Variants in PRKG1 observed in about 807,000 individuals in gnomAD.
PRKG1 encodes cGMP-dependent protein kinase 1.
In PRKG1, 35 loss-of-function variants were observed where a neutral mutation model predicts 88.1. The ratio of observed to expected loss-of-function variants is 0.40; its 90% confidence interval spans 0.30 to 0.53. The LOEUF is 0.53. PRKG1 is among the 20% of genes least tolerant of loss of function. The pLI is 0.59. For synonymous variants in PRKG1, 303 were observed against 292.5 expected (o/e 1.04, Z -0.37); for missense variants, 540 against 839.8 (o/e 0.64, Z 4.41).
intron 3 of PRKG1, among the ~76,000 whole-genome samples, chr10:51,727,300 A>T (rs58652606): frequency 0.28 from 40,215 of 143,368 alleles, 6,150 homozygotes; most frequent in Middle Eastern, 0.38. Context: ...ATATATATAT[A>T]TTTTTTTTAC....
rs1564509111 is a variant in PRKG1, at chr10:52,188,279, CATATATATGTGTATATAT to C, written c.1076+26321_1076+26338del. Among the ~76,000 whole-genome samples the C allele has an allele frequency of 1.8e-3, 198 of 107,140 alleles. 2 individuals carry two copies. The highest frequency in any genetic ancestry group is 7.1e-3 in the African/African-American group (185 of 26,030). 70.3% of individuals were successfully genotyped at this position (107,140 alleles called of 152,430 possible). On this transcript the variant is annotated intron_variant, in intron 9 of 17. Coordinates refer to ENST00000373980, the MANE Select transcript of PRKG1 (RefSeq NM_006258.4). ...ATATATATACATATGTATATATATA[CATATATATGTGTATATAT>C]ATATGTATATATATACATATGTATA...
At chr10:51,729,510 C>A (rs1246814214) in intron 3 of PRKG1, among the ~76,000 whole-genome samples, 1 of 151,662 alleles carries the variant, frequency 6.6e-6, no homozygotes, top group Non-Finnish European at 1.5e-5. Context: ...AGTTCGAGAC[C>A]AGCCTGACCA....
chr10:51,584,292 G>T lies in PRKG1; in HGVS notation c.592+116456G>T, dbSNP rs915386440. On this transcript the variant is annotated intron_variant, in intron 3 of 17. Coordinates refer to ENST00000373980, the MANE Select transcript of PRKG1 (RefSeq NM_006258.4). Reference sequence around the variant, plus strand: ...AGTGATTTTTAAATGCCTACCTTATGAGCCACTTTGTGCCAGGGCCCTGTA... The same window carrying T: ...AGTGATTTTTAAATGCCTACCTTATTAGCCACTTTGTGCCAGGGCCCTGTA... Among the ~76,000 whole-genome samples the T allele has an allele frequency of 6.7e-4, 102 of 151,946 alleles. 2 individuals carry two copies. The highest frequency in any genetic ancestry group is 3.4e-4 in the Non-Finnish European group (23 of 67,956).
chr10:51,686,098 A>C (rs1270877083), intron 3 of PRKG1, among the ~76,000 whole-genome samples: 1 of 152,164 alleles, frequency 6.6e-6, no homozygotes, highest in East Asian at 1.9e-4. Flanking sequence ...TACCCGGAAT[A>C]ATCCAGCTTG....
intron 2 of PRKG1, among the ~76,000 whole-genome samples, chr10:51,446,725 C>T (rs1839283587): frequency 6.6e-6 from 1 of 152,060 alleles, no homozygotes; most frequent in Non-Finnish European, 1.5e-5. Context: ...ATAGTTTTCT[C>T]ATCACACACT....
At chr10:52,227,508 T>C (rs1384885041) in intron 9 of PRKG1, among the ~76,000 whole-genome samples, 3 of 152,106 alleles carry the variant, frequency 2.0e-5, no homozygotes, top group Non-Finnish European at 4.4e-5. Context: ...ATAAGTAATC[T>C]AGAGATAATT....
At chr10:51,265,766 T>C (rs1358705066) in intron 2 of PRKG1, among the ~76,000 whole-genome samples, 1 of 152,186 alleles carries the variant, frequency 6.6e-6, no homozygotes, top group African/African-American at 2.4e-5. Context: ...GAGAAAACCA[T>C]GGAAGGGACA....
chr10:51,646,599 C>T (rs1839920152), intron 3 of PRKG1, among the ~76,000 whole-genome samples: 1 of 151,864 alleles, frequency 6.6e-6, no homozygotes, highest in Non-Finnish European at 1.5e-5. Context: ...ACATTAAAAA[C>T]AATTAAGAAG....
chr10:51,720,237 T>G (rs7908240), intron 3 of PRKG1, among the ~76,000 whole-genome samples: 87,722 of 151,870 alleles, frequency 0.58, 25,936 homozygotes, highest in Middle Eastern at 0.66. Flanking sequence ...CCATAATTCA[T>G]TCCCTGATTA....
At chr10:51,995,539 T>A (rs1844418300) in intron 5 of PRKG1, among the ~76,000 whole-genome samples, 1 of 152,150 alleles carries the variant, frequency 6.6e-6, no homozygotes, top group African/African-American at 2.4e-5. Context: ...ATTATAATAA[T>A]GATTATGTTA....
intron 3 of PRKG1, among the ~76,000 whole-genome samples, chr10:51,491,811 A>G (rs1840714109): frequency 6.6e-6 from 1 of 152,148 alleles, no homozygotes; most frequent in Non-Finnish European, 1.5e-5. Flanking sequence ...TAGAATGGAC[A>G]GTGGCTGAAT....
At chr10:51,105,181 T>C (rs1383412437) in intron 1 of PRKG1, among the ~76,000 whole-genome samples, 1 of 152,226 alleles carries the variant, frequency 6.6e-6, no homozygotes, top group Non-Finnish European at 1.5e-5. Context: ...CAGTCTTTCC[T>C]TTTGAAAAAT....
At chr10:51,437,830 GA>G (rs1838980395) in intron 2 of PRKG1, among the ~76,000 whole-genome samples, 1 of 149,836 alleles carries the variant, frequency 6.7e-6, no homozygotes, top group Non-Finnish European at 1.5e-5. Context: ...AACTGGGAGA[GA>G]GGGGTGCTAA....
chr10:51,122,033 C>G (rs1486984575), intron 1 of PRKG1, among the ~76,000 whole-genome samples: 2 of 152,154 alleles, frequency 1.3e-5, no homozygotes, highest in Non-Finnish European at 2.9e-5. Context: ...GTCGTACCTT[C>G]TGCTGTACCC....
chr10:52,104,009 A>T (rs80207314), intron 7 of PRKG1, among the ~76,000 whole-genome samples: 1 of 53,936 alleles, frequency 1.9e-5, no homozygotes, highest in South Asian at 7.6e-4. Context: ...TGTATATATA[A>T]TATATATATA....
chr10:51,738,600 G>A (rs929207216), intron 3 of PRKG1, among the ~76,000 whole-genome samples: 4 of 152,182 alleles, frequency 2.6e-5, no homozygotes, highest in African/African-American at 9.7e-5. Flanking sequence ...GATAGGTTAT[G>A]AGAGGAGGAA....
intron 5 of PRKG1, among the ~76,000 whole-genome samples, chr10:52,013,121 G>A (rs1002113124): frequency 6.6e-6 from 1 of 151,862 alleles, no homozygotes; most frequent in Non-Finnish European, 1.5e-5. Flanking sequence ...AGTGCTTCAA[G>A]AAAGATGGTT....
At chr10:51,647,227 T>C (rs1476352852) in intron 3 of PRKG1, among the ~76,000 whole-genome samples, 2 of 151,662 alleles carry the variant, frequency 1.3e-5, no homozygotes, top group Non-Finnish European at 2.9e-5. Flanking sequence ...GGTTTTCTGA[T>C]CCAACAGTCT....
At chr10:52,211,179 T>C (rs961664021) in intron 9 of PRKG1, among the ~76,000 whole-genome samples, 5 of 152,168 alleles carry the variant, frequency 3.3e-5, no homozygotes, top group Non-Finnish European at 7.4e-5. Context: ...TGTCTTGGGA[T>C]CTGTATACAC....
Sources: allele counts gnomAD v4.1 joint callset (sites outside exome capture counted in the v4.1 genomes callset), GRCh38; gene constraint gnomAD v4.1.1; transcripts MANE v1.5; gene names NCBI Gene and HGNC (gene_info 2026-07-23, HGNC 2026-07-21).